CDH23: variants seen among roughly 807,000 people sequenced by gnomAD.
CDH23 encodes the protein cadherin related 23, also known as cadherin-23.
In CDH23, 189 loss-of-function variants were observed where a neutral mutation model predicts 317.1. The observed-to-expected ratio is 0.60, with a 90% CI of 0.53 to 0.67. CDH23 has a LOEUF of 0.67. Ranked by LOEUF, CDH23 falls within the 30% of genes least tolerant of loss-of-function variation. The pLI, the probability that CDH23 is intolerant of heterozygous loss-of-function variation, is 0.00. For missense variants in CDH23, 4,401 were observed against 4,592.4 expected, an observed-to-expected ratio of 0.96 and a Z score of 1.20; for synonymous variants, 1,839 against 1,876.8, an observed-to-expected ratio of 0.98 and a Z score of 0.52.
chr10:71,565,178 G>C (rs1358708243), intron 6 of CDH23, among the ~76,000 whole-genome samples: 1 of 152,020 alleles, frequency 6.6e-6, no homozygotes, highest in Non-Finnish European at 1.5e-5. Context: ...GGTTAGCTGA[G>C]AACCTCAGAA....
At chr10:71,684,672 G>GTAATGACAGCCATGCATAGC (rs1864801505) in intron 18 of CDH23, among the ~76,000 whole-genome samples, 1 of 152,216 alleles carries the variant, frequency 6.6e-6, no homozygotes, top group South Asian at 2.1e-4. Context: ...TCTTATCGCT[G>GTAATGACAGCCATGCATAGC]TAATGACAGC....
In CDH23 at chr10:71,450,803, C is replaced by G. The variant is rs1427827707; in HGVS notation, c.145+4408C>G. Among the ~76,000 whole-genome samples, 4 of 152,132 alleles carry G rather than the reference C, an allele frequency of 2.6e-5. No individual in the cohort carries two copies. In the East Asian group the frequency reaches 5.8e-4, roughly 22 times the overall value. ...GTCTCTCCTCTCCTCATTCTCATTC[C>G]CGTGGTGGTCCCATCTAGCCTCCTG... On this transcript the variant is annotated intron_variant, in intron 3 of 69. Transcript: ENST00000224721.
At chr10:71,646,640 G>A in intron 14 of CDH23, 23 bp downstream of exon 14, 1 of 1,613,980 alleles carries the variant, frequency 6.2e-7, no homozygotes, top group South Asian at 1.1e-5. Context: ...TTCACTGCAG[G>A]GCCACTGAGC....
intron 14 of CDH23, among the ~76,000 whole-genome samples, chr10:71,667,601 A>G (rs1261717910): frequency 5.3e-5 from 8 of 152,046 alleles, no homozygotes. Flanking sequence ...AGTAGGAAGT[A>G]TGGAGACACA....
intron 26 of CDH23, 126 bp downstream of exon 26, chr10:71,707,175 G>A (rs1444371692): frequency 6.5e-7 from 1 of 1,532,240 alleles, no homozygotes; most frequent in Non-Finnish European, 8.8e-7. Flanking sequence ...TCTACTGTTG[G>A]GCTTTAGCCT....
At chr10:71,705,781 G>A (rs879870488) in intron 25 of CDH23, among the ~76,000 whole-genome samples, 5 of 152,160 alleles carry the variant, frequency 3.3e-5, no homozygotes, top group Non-Finnish European at 4.4e-5. Context: ...ATAACCCCAG[G>A]GAAATAAGGG....
intron 3 of CDH23, among the ~76,000 whole-genome samples, chr10:71,447,694 C>A (rs1208037218): frequency 6.6e-6 from 1 of 152,146 alleles, no homozygotes; most frequent in African/African-American, 2.4e-5. Context: ...TTTGGAATGC[C>A]CTCTCATAGG....
intron 9 of CDH23, among the ~76,000 whole-genome samples, chr10:71,587,585 C>G (rs1291356582): frequency 6.6e-6 from 1 of 152,220 alleles, no homozygotes; most frequent in East Asian, 1.9e-4. Context: ...AGGAAGGCAT[C>G]TAGGAAGGGG....
chr10:71,524,849 A>G (rs12414154), intron 6 of CDH23, among the ~76,000 whole-genome samples: 50,549 of 152,058 alleles, frequency 0.33, 8,950 homozygotes, highest in East Asian at 0.49. Flanking sequence ...AAAGGGAAGG[A>G]AACAGATTTC....
chr10:71,595,119 G>T (rs543099071), intron 9 of CDH23, among the ~76,000 whole-genome samples: 28 of 152,252 alleles, frequency 1.8e-4, no homozygotes, highest in Non-Finnish European at 3.1e-4. Context: ...CTTCGATGAG[G>T]CATTGCACAG....
rs752015536 is a variant in CDH23 at position 71,778,312 on chromosome 10, G to A, written c.5187+4G>A. 26 of 1,613,772 alleles carry A rather than the reference G, an allele frequency of 1.6e-5. No individual in the cohort carries two copies. The highest frequency in any genetic ancestry group is 2.0e-5 in the Non-Finnish European group (24 of 1,179,874). On this transcript the variant is annotated splice_donor_region_variant and intron_variant, in intron 40 of 69. Transcript: ENST00000224721. ...CCGCCTCACCTCTACCACCACGGTGGGTGCATGGGACACAGCCCCAACTTG... is the reference window on the plus strand; with the variant it reads ...CCGCCTCACCTCTACCACCACGGTGAGTGCATGGGACACAGCCCCAACTTG...
At chr10:71,589,073 G>A (rs2132438334) in intron 9 of CDH23, among the ~76,000 whole-genome samples, 1 of 152,136 alleles carries the variant, frequency 6.6e-6, no homozygotes, top group African/African-American at 2.4e-5. Flanking sequence ...AGGCCATGAG[G>A]ACACCATGCC....
intron 3 of CDH23, among the ~76,000 whole-genome samples, chr10:71,480,693 G>T (rs959510104): frequency 1.3e-5 from 2 of 152,220 alleles, no homozygotes; most frequent in Non-Finnish European, 2.9e-5. Flanking sequence ...GGCTGGTGAG[G>T]AAACAGATGG....
At chr10:71,800,904 G>A (rs771667310) in intron 53 of CDH23, 149 bp downstream of exon 53, 3 of 1,132,746 alleles carry the variant, frequency 2.6e-6, no homozygotes, top group Non-Finnish European at 3.7e-6. Flanking sequence ...AAGGCAAGAG[G>A]GTAACTGGAT....
intron 6 of CDH23, among the ~76,000 whole-genome samples, chr10:71,536,445 G>C (rs577644480): frequency 4.6e-5 from 7 of 152,336 alleles, no homozygotes; most frequent in African/African-American, 1.7e-4. Flanking sequence ...GCTTTGAAAG[G>C]CAGGTTTGCT....
At chr10:71,636,914 G>A (rs541902239) in intron 11 of CDH23, among the ~76,000 whole-genome samples, 3 of 152,290 alleles carry the variant, frequency 2.0e-5, no homozygotes, top group South Asian at 4.1e-4. Flanking sequence ...CTGGGTACCA[G>A]GGGTTGAGGT....
intron 3 of CDH23, among the ~76,000 whole-genome samples, chr10:71,476,157 G>A (rs886768520): frequency 6.6e-6 from 1 of 152,150 alleles, no homozygotes; most frequent in Non-Finnish European, 1.5e-5. Flanking sequence ...ACAATGCAAG[G>A]GGAGTTTTCC....
chr10:71,697,204 G>A (rs544237754), intron 22 of CDH23, among the ~76,000 whole-genome samples: 1 of 152,318 alleles, frequency 6.6e-6, no homozygotes, highest in South Asian at 2.1e-4. Context: ...TGGTCCCCCC[G>A]CCCTTCACCA....
Position 71,813,301 on chromosome 10 carries a change from C to G in CDH23, c.9691C>G (p.Gln3231Glu), listed in dbSNP as rs1332428012. 30 of 1,551,544 alleles carry G rather than the reference C, an allele frequency of 1.9e-5. 1 individual carries two copies. The highest frequency in any genetic ancestry group is 3.3e-4 in the Middle Eastern group (2 of 6,014). The change falls in exon 69 of 70, where the codon CAG (glutamine) becomes GAG (glutamate). Residue 3231 changes from glutamine to glutamate, a missense_variant. Coordinates refer to ENST00000224721, the MANE Select transcript of CDH23 (RefSeq NM_022124.6). ...CCTGCGGCTCAAAAAGCTCTTTGCACAGCGGATGGTGCAAAAAGCCTCCTC... is the reference window on the plus strand; with the variant it reads ...CCTGCGGCTCAAAAAGCTCTTTGCAGAGCGGATGGTGCAAAAAGCCTCCTC... ...DYLRLKKLFA[Q>E]RMVQKASSCH...
Sources: gnomAD v4.1 joint callset for allele counts (sites outside exome capture counted in the v4.1 genomes callset) on GRCh38, gnomAD v4.1.1 for gene constraint, MANE v1.5 for transcripts, NCBI Gene and HGNC (gene_info 2026-07-23, HGNC 2026-07-21) for gene names.